DOK5: variants seen among roughly 807,000 people sequenced by gnomAD.
DOK5 encodes docking protein 5.
DOK5 carries 27 observed loss-of-function variants against 43.3 expected under a neutral mutation model. The ratio of observed to expected loss-of-function variants is 0.62; its 90% confidence interval spans 0.46 to 0.86. DOK5 has a LOEUF of 0.86. Among genes scored for constraint, DOK5 ranks in the 40% least tolerant of loss-of-function variants. The pLI, the probability that DOK5 is intolerant of heterozygous loss-of-function variation, is 0.00. For missense variants in DOK5, 373 were observed against 392.9 expected, an observed-to-expected ratio of 0.95 and a Z score of 0.43; for synonymous variants, 146 against 140.1, an observed-to-expected ratio of 1.04 and a Z score of -0.30.
Position 54,630,405 on chromosome 20 carries a change from G to A in DOK5, c.736-13053G>A, listed in dbSNP as rs925897347. On this transcript the variant is annotated intron_variant, in intron 6 of 7. Transcript: ENST00000262593. ...AAACCTGTACTCGGAAGGGGAAGAG[G>A]TTGAGGGGAGAGGAGTATGAGGAGC... is the stretch of plus-strand genomic sequence containing the variant. Among the ~76,000 whole-genome samples, 4 of 152,288 alleles carry A rather than the reference G, an allele frequency of 2.6e-5. No homozygotes were observed. In the South Asian group the frequency reaches 8.3e-4, roughly 32 times the overall value.
intron 2 of DOK5, among the ~76,000 whole-genome samples, chr20:54,562,831 T>C (rs942259433): frequency 7.9e-5 from 12 of 152,234 alleles, no homozygotes. Context: ...GCCTACTTTA[T>C]TCCCACCCTT....
At chr20:54,612,639 G>A (rs1000876729) in intron 6 of DOK5, among the ~76,000 whole-genome samples, 2 of 152,296 alleles carry the variant, frequency 1.3e-5, no homozygotes, top group Admixed American at 6.5e-5. Context: ...GTCTCCTTTG[G>A]CCTTCAAATC....
chr20:54,632,772 CTTGTTACAAAATACAAA>C (rs1978630145), intron 6 of DOK5, among the ~76,000 whole-genome samples: 1 of 152,160 alleles, frequency 6.6e-6, no homozygotes, highest in African/African-American at 2.4e-5. Flanking sequence ...CATCTGGGAA[CTTGTTACAAAATACAAA>C]TTCCTGGCCG....
At chr20:54,606,562 G>A (rs1986476053) in intron 5 of DOK5, among the ~76,000 whole-genome samples, 1 of 152,214 alleles carries the variant, frequency 6.6e-6, no homozygotes, top group African/African-American at 2.4e-5. Context: ...TGTTTGATGT[G>A]CCTTTCTTTT....
At chr20:54,571,522 C>T (rs1372522213) in intron 2 of DOK5, among the ~76,000 whole-genome samples, 1 of 152,026 alleles carries the variant, frequency 6.6e-6, no homozygotes, top group Non-Finnish European at 1.5e-5. Flanking sequence ...CTGTCCTGTG[C>T]GTTGTAGGAC....
At chr20:54,551,064 G>T (rs6098075) in intron 1 of DOK5, among the ~76,000 whole-genome samples, 3,081 of 152,198 alleles carry the variant, frequency 0.02, 103 homozygotes, top group African/African-American at 0.07. Context: ...GCATTTGGTG[G>T]TGGTGGTATT....
intron 1 of DOK5, among the ~76,000 whole-genome samples, chr20:54,540,377 A>G (rs1419760778): frequency 6.6e-6 from 1 of 152,196 alleles, no homozygotes; most frequent in African/African-American, 2.4e-5. Context: ...TGCTCAGTAG[A>G]TATCTGCAGA....
intron 6 of DOK5, among the ~76,000 whole-genome samples, chr20:54,612,303 C>A (rs1469248727): frequency 6.6e-6 from 1 of 152,162 alleles, no homozygotes; most frequent in Non-Finnish European, 1.5e-5. Flanking sequence ...TGCGAGAAAC[C>A]AGGCTTGAAG....
chr20:54,633,326 G>A (rs1396678510), intron 6 of DOK5, among the ~76,000 whole-genome samples: 8 of 152,202 alleles, frequency 5.3e-5, no homozygotes, highest in Admixed American at 5.2e-4. Context: ...CTGGAGAATG[G>A]CAGTGAATGT....
chr20:54,636,493 C>G lies in DOK5; in HGVS notation c.736-6965C>G, dbSNP rs576389778. ...TTCAGATTTTTGCATTTCTGACAAC[C>G]AGATGGCCCCACTAGACCTGTAACT... On this transcript the variant is annotated intron_variant, in intron 6 of 7. Transcript: ENST00000262593. 2.9e-4 allele frequency among the ~76,000 whole-genome samples: 44 copies of G among 152,268 alleles called. 1 individual carries two copies. In the South Asian group the frequency reaches 8.9e-3, roughly 31 times the overall value.
At chr20:54,580,551 G>C (rs1985605623) in intron 2 of DOK5, among the ~76,000 whole-genome samples, 1 of 151,898 alleles carries the variant, frequency 6.6e-6, no homozygotes, top group Non-Finnish European at 1.5e-5. Flanking sequence ...TCTGATAATA[G>C]CCATCCTAAG....
Position 54,611,090 on chromosome 20 carries a change from G to A in DOK5, c.735+567G>A, listed in dbSNP as rs6098112. 8.2e-3 allele frequency among the ~76,000 whole-genome samples: 1,253 copies of A among 152,210 alleles called. 19 individuals carry two copies. The highest frequency in any genetic ancestry group is 0.029 in the African/African-American group (1,197 of 41,514). On this transcript the variant is annotated intron_variant, in intron 6 of 7. Transcript: ENST00000262593. ...CTAGTTAAGAGTGCAACACTTTGTG[G>A]GTCAAAGAGAACCTGTCTGCGGGTG...
At chr20:54,575,720 C>G (rs774757813) in intron 2 of DOK5, among the ~76,000 whole-genome samples, 14 of 152,166 alleles carry the variant, frequency 9.2e-5, no homozygotes, top group Non-Finnish European at 1.9e-4. Context: ...GGATTACAGG[C>G]CAACTGTGTT....
At chr20:54,541,681 C>A (rs985702526) in intron 1 of DOK5, among the ~76,000 whole-genome samples, 1 of 152,068 alleles carries the variant, frequency 6.6e-6, no homozygotes, top group Non-Finnish European at 1.5e-5. Flanking sequence ...AAGTGATCCA[C>A]CTGCCTGGGC....
At chr20:54,499,971 G>A (rs961199486) in intron 1 of DOK5, among the ~76,000 whole-genome samples, 1 of 152,136 alleles carries the variant, frequency 6.6e-6, no homozygotes, top group Non-Finnish European at 1.5e-5. Flanking sequence ...GCCAATCCTT[G>A]TAATTTTAAT....
chr20:54,555,075 A>G (rs767305575), intron 2 of DOK5, 35 bp downstream of exon 2: 5 of 1,408,970 alleles, frequency 3.5e-6, no homozygotes, highest in East Asian at 2.3e-5. Context: ...CCAGTAATCT[A>G]TTTACAGGGA....
At chr20:54,634,339 C>A (rs1017254018) in intron 6 of DOK5, among the ~76,000 whole-genome samples, 4 of 151,624 alleles carry the variant, frequency 2.6e-5, no homozygotes, top group Non-Finnish European at 5.9e-5. Flanking sequence ...GGCAGGGGAC[C>A]ATGCTTCAGC....
intron 6 of DOK5, among the ~76,000 whole-genome samples, chr20:54,642,344 C>A (rs1215883773): frequency 1.3e-5 from 2 of 152,042 alleles, no homozygotes; most frequent in Non-Finnish European, 2.9e-5. Flanking sequence ...GTCGACAATA[C>A]TTGTTCAAAC....
intron 6 of DOK5, among the ~76,000 whole-genome samples, chr20:54,628,824 C>A (rs1263917293): frequency 6.6e-6 from 1 of 152,158 alleles, no homozygotes; most frequent in Admixed American, 6.5e-5. Context: ...ATTTTATAAA[C>A]CTCAGAAATA....
Sources: gnomAD v4.1 joint callset for allele counts (sites outside exome capture counted in the v4.1 genomes callset) on GRCh38, gnomAD v4.1.1 for gene constraint, MANE v1.5 for transcripts, NCBI Gene and HGNC (gene_info 2026-07-23, HGNC 2026-07-21) for gene names.